The following ZNF92 variants were observed in gnomAD, a reference collection of about 807,000 sequenced individuals.
ZNF92 encodes epididymis luminal protein 203.
A neutral mutation model predicts 12.4 loss-of-function variants in ZNF92; 11 were observed. The ratio of observed to expected loss-of-function variants is 0.89; its 90% confidence interval spans 0.56 to 1.47. ZNF92 has a LOEUF of 1.47. Ranked by LOEUF, ZNF92 falls within the 40% of genes most tolerant of loss-of-function variation. The probability of loss-of-function intolerance (pLI) is 0.00; values close to 1 mark genes in which losing one functional copy is unlikely to be tolerated. For missense variants in ZNF92, 622 were observed against 681.0 expected, an observed-to-expected ratio of 0.91 and a Z score of 0.96; for synonymous variants, 206 against 228.6, an observed-to-expected ratio of 0.90 and a Z score of 0.89.
At chr7:65,392,772 G>A (rs185715134) in intron 3 of ZNF92, among the ~76,000 whole-genome samples, 2 of 152,064 alleles carry the variant, frequency 1.3e-5, no homozygotes, top group East Asian at 3.9e-4. Flanking sequence ...CCGACCTCAG[G>A]TGATCCACCC....
At chr7:65,381,524 G>T (rs932109700) in intron 1 of ZNF92, among the ~76,000 whole-genome samples, 1 of 151,914 alleles carries the variant, frequency 6.6e-6, no homozygotes, top group African/African-American at 2.4e-5. Context: ...CTGTGAAGAT[G>T]CTCTTTAGTT....
At chr7:65,381,386 G>T (rs1793415031) in intron 1 of ZNF92, among the ~76,000 whole-genome samples, 1 of 151,192 alleles carries the variant, frequency 6.6e-6, no homozygotes. Context: ...TTGTAAACTT[G>T]CTTAAGTTCC....
intron 1 of ZNF92, among the ~76,000 whole-genome samples, chr7:65,381,908 G>A (rs1793429583): frequency 6.6e-6 from 1 of 151,944 alleles, no homozygotes; most frequent in African/African-American, 2.4e-5. Flanking sequence ...TTTTGTACTG[G>A]TATCATGTTG....
chr7:65,373,963 C>A lies in ZNF92; in HGVS notation c.-35C>A. 1 of 1,614,082 alleles carries A rather than the reference C, an allele frequency of 6.2e-7. No homozygotes were observed. Among genetic ancestry groups the A allele is most frequent in the Non-Finnish European group, 8.5e-7 (1 of 1,179,970 alleles). On this transcript the variant is annotated 5_prime_UTR_variant, in exon 1 of 4. Transcript: ENST00000328747. ...TTACCTGCAAGAACTTGGAGGTTCA[C>A]AGCTAAGACGCCAGGACCCCCTGGA...
intron 3 of ZNF92, among the ~76,000 whole-genome samples, chr7:65,395,440 G>A (rs1793821356): frequency 6.6e-6 from 1 of 152,090 alleles, no homozygotes; most frequent in Non-Finnish European, 1.5e-5. Context: ...CCTTGCTTTT[G>A]ACTAGAAAGT....
chr7:65,374,277 C>G (rs546422479), intron 1 of ZNF92, among the ~76,000 whole-genome samples: 48 of 152,310 alleles, frequency 3.2e-4, no homozygotes, highest in African/African-American at 1.1e-3. Flanking sequence ...CGTCGCATCT[C>G]TCGCCGAGTG....
chr7:65,375,814 C>T (rs1793222615), intron 1 of ZNF92, among the ~76,000 whole-genome samples: 1 of 151,862 alleles, frequency 6.6e-6, no homozygotes, highest in African/African-American at 2.4e-5. Context: ...TGCCACTGCA[C>T]TCCAGCCTCG....
intron 1 of ZNF92, among the ~76,000 whole-genome samples, chr7:65,376,550 G>A (rs1182840867): frequency 6.6e-6 from 1 of 152,036 alleles, no homozygotes; most frequent in Non-Finnish European, 1.5e-5. Context: ...AGGTTCAAGC[G>A]ATTCTGCTGC....
rs1330468540 is a variant in ZNF92, at chr7:65,400,022, C to T, written c.*147C>T. On this transcript the variant is annotated 3_prime_UTR_variant, in exon 4 of 4. Transcript: ENST00000328747. ...AGATAATTTATATTGGAGAAAAATC[C>T]TCCAAGTATGAAGAATGTGGCAAAC... The T allele has an allele frequency of 2.7e-6, 2 of 730,656 alleles. No individual in the cohort carries two copies. Among genetic ancestry groups the T allele is most frequent in the Non-Finnish European group, 4.2e-6 (2 of 479,142 alleles). 45.3% of individuals were successfully genotyped at this position (730,656 alleles called of 1,614,324 possible).
At chr7:65,391,165 G>A (rs1308357894) in intron 3 of ZNF92, among the ~76,000 whole-genome samples, 1 of 151,928 alleles carries the variant, frequency 6.6e-6, no homozygotes, top group Non-Finnish European at 1.5e-5. Context: ...ACCCATTCTG[G>A]TCTTGAAATC....
In ZNF92 at chr7:65,400,491, ATATT is replaced by A. The variant is rs1271766449; in HGVS notation, c.*619_*622del. On this transcript the variant is annotated 3_prime_UTR_variant, in exon 4 of 4. Coordinates refer to ENST00000328747, the MANE Select transcript of ZNF92 (RefSeq NM_152626.4). ...TTTGCAGATGCAGTAAATATGAAAA[ATATT>A]TAATCCCAAATTAAGTCTATGTAAA... is the stretch of plus-strand genomic sequence containing the variant. 6.6e-6 allele frequency: 1 copy of A among 152,068 alleles called. No homozygotes were observed. The highest frequency in any genetic ancestry group is 1.5e-5 in the Non-Finnish European group (1 of 67,938). 9.4% of individuals were successfully genotyped at this position (152,068 alleles called of 1,614,324 possible).
chr7:65,399,772 T>C lies in ZNF92; in HGVS notation c.1658T>C (p.Ile553Thr), dbSNP rs749995913. The change falls in exon 4 of 4, where the codon ATT becomes ACT. Residue 553 changes from isoleucine (I) to threonine (T), a missense_variant. Transcript: ENST00000328747. Reference sequence around the variant, plus strand: ...GCCTTTAACAAGTTCTCAACCCTTATTACACATCAGATAATTTATACTGGA... The same window carrying C: ...GCCTTTAACAAGTTCTCAACCCTTACTACACATCAGATAATTTATACTGGA... ...DKAFNKFSTL[I>T]THQIIYTGEK... The C allele has an allele frequency of 6.2e-7, 1 of 1,613,396 alleles. No individual in the cohort carries two copies. The highest frequency in any genetic ancestry group is 8.5e-7 in the Non-Finnish European group (1 of 1,179,624).
chr7:65,398,172 T>G (rs1031753581), intron 3 of ZNF92, among the ~76,000 whole-genome samples, 169 bp from the exon 4 acceptor site: 4 of 152,140 alleles, frequency 2.6e-5, no homozygotes, highest in African/African-American at 9.7e-5. Context: ...AAATGTATTT[T>G]GGTCAGTATA....
At chr7:65,396,088 A>G (rs1336493933) in intron 3 of ZNF92, among the ~76,000 whole-genome samples, 1 of 136,154 alleles carries the variant, frequency 7.3e-6, no homozygotes, top group Non-Finnish European at 1.5e-5. Flanking sequence ...AGTTTTTTGT[A>G]TTTTCTGTAA....
At chr7:65,391,529 T>C (rs1793708388) in intron 3 of ZNF92, among the ~76,000 whole-genome samples, 2 of 152,074 alleles carry the variant, frequency 1.3e-5, no homozygotes, top group African/African-American at 2.4e-5. Context: ...CAAAAAGGAA[T>C]AGTATTTTCA....
intron 1 of ZNF92, among the ~76,000 whole-genome samples, chr7:65,385,711 T>G (rs1366421597): frequency 6.6e-6 from 1 of 152,114 alleles, no homozygotes; most frequent in Non-Finnish European, 1.5e-5. Context: ...GTCTTGGACC[T>G]TCTGCCTGTG....
At chr7:65,383,941 G>T (rs936510845) in intron 1 of ZNF92, among the ~76,000 whole-genome samples, 2 of 152,010 alleles carry the variant, frequency 1.3e-5, no homozygotes, top group African/African-American at 4.8e-5. Flanking sequence ...TGACAAGAGT[G>T]GTTCATTCTG....
chr7:65,389,206 G>T (rs901787409), intron 3 of ZNF92, among the ~76,000 whole-genome samples: 14 of 152,070 alleles, frequency 9.2e-5, no homozygotes, highest in Admixed American at 3.3e-4. Context: ...TGATCCGCCC[G>T]CCTCAGCCTT....
chr7:65,391,762 A>G (rs1164362266), intron 3 of ZNF92, among the ~76,000 whole-genome samples: 1 of 151,826 alleles, frequency 6.6e-6, no homozygotes, highest in Non-Finnish European at 1.5e-5. Flanking sequence ...AAAAATGCTT[A>G]CTTATTAAGT....
Sources: gnomAD v4.1 joint callset for allele counts (sites outside exome capture counted in the v4.1 genomes callset) on GRCh38, gnomAD v4.1.1 for gene constraint, MANE v1.5 for transcripts, NCBI Gene and HGNC (gene_info 2026-07-23, HGNC 2026-07-21) for gene names.